Variants in PFKM observed in about 807,000 individuals in gnomAD.
The protein encoded by PFKM is ATP-dependent 6-phosphofructokinase, muscle type.
Under a neutral mutation model 95.5 loss-of-function variants are expected in PFKM, and 58 were observed. The observed-to-expected ratio is 0.61, with a 90% CI of 0.49 to 0.76. PFKM has a LOEUF of 0.76. PFKM is among the 30% of genes least tolerant of loss of function. The pLI, the probability that PFKM is intolerant of heterozygous loss-of-function variation, is 0.00. For synonymous variants in PFKM, 336 were observed against 357.2 expected (o/e 0.94, Z 0.67); for missense variants, 678 against 1,005.4 (o/e 0.67, Z 4.40).
chr12:48,108,006 G>A (rs1946851475), intron 2 of PFKM: 2 of 1,541,180 alleles, frequency 1.3e-6, no homozygotes, highest in Non-Finnish European at 1.8e-6. Flanking sequence ...GAAAATGAAA[G>A]GGAGTAAGGA....
At chr12:48,116,529 A>T (rs767147613), upstream of PFKM, among the ~76,000 whole-genome samples, 1 of 152,102 alleles carries the variant, frequency 6.6e-6, no homozygotes, top group Non-Finnish European at 1.5e-5. Flanking sequence ...CCCAGGGTGG[A>T]GTGTGGTGGC....
In PFKM at chr12:48,119,396, A is replaced by C. The variant is rs898954766; in HGVS notation, c.-19A>C. 12 of 985,818 alleles carry C rather than the reference A, an allele frequency of 1.2e-5. No individual in the cohort carries two copies. The highest frequency in any genetic ancestry group is 3.5e-5 in the African/African-American group (2 of 57,242). 61.1% of individuals were successfully genotyped at this position (985,818 alleles called of 1,614,324 possible). Reference sequence around the variant, plus strand: ...AAGAAAGCAGCGGCGGAGGAGAGCTAAGACTAAAAGGCAAGAGGGGCCATT... The same window carrying C: ...AAGAAAGCAGCGGCGGAGGAGAGCTCAGACTAAAAGGCAAGAGGGGCCATT... On this transcript the variant is annotated 5_prime_UTR_variant, in exon 1 of 23. Coordinates refer to ENST00000359794, the MANE Select transcript of PFKM (RefSeq NM_000289.6).
chr12:48,136,166 C>T (rs536074421), intron 10 of PFKM, among the ~76,000 whole-genome samples: 175 of 152,302 alleles, frequency 1.1e-3, no homozygotes, highest in African/African-American at 3.9e-3. Flanking sequence ...GGATTACAGG[C>T]GTGAGCCACT....
At chr12:48,118,341 G>A (rs1366730832), upstream of PFKM, 3 of 596,758 alleles carry the variant, frequency 5.0e-6, no homozygotes, top group Non-Finnish European at 9.0e-6. Flanking sequence ...TCAGATACAT[G>A]ATTTGCAAAT....
intron 7 of PFKM, 86 bp downstream of exon 7, chr12:48,134,362 G>A: frequency 8.7e-7 from 1 of 1,147,936 alleles, no homozygotes. Context: ...AGGTCTCTCA[G>A]TAGCAGCAGA....
rs758442966 is a variant in PFKM, at chr12:48,145,200, C to G, written c.2093-10C>G. On this transcript the variant is annotated splice_polypyrimidine_tract_variant and intron_variant, in intron 21 of 22. Transcript: ENST00000359794. The surrounding 1 kb of genome is among the most constrained non-coding windows in gnomAD (Gnocchi z 4.3). ...CAGTATAGAAGCTGACTGCCCATCC[C>G]TCATTGCAGGGCGGATCTTTGCCAA... 6.2e-7 allele frequency: 1 copy of G among 1,613,658 alleles called. No individual in the cohort carries two copies. Among genetic ancestry groups the G allele is most frequent in the Non-Finnish European group, 8.5e-7 (1 of 1,179,554 alleles).
Position 48,145,320 on chromosome 12 carries a change from GT to G in PFKM, c.2198+6del. The G allele has an allele frequency of 6.2e-7, 1 of 1,605,652 alleles. No individual in the cohort carries two copies. The highest frequency in any genetic ancestry group is 1.3e-5 in the African/African-American group (1 of 74,880). ...GAAGGACCAGACAGATTTTGAGTGA[GT>G]ACATCTGCTTCCTGGAGTGGTTCTT... is the stretch of plus-strand genomic sequence containing the variant. On this transcript the variant is annotated splice_donor_region_variant and intron_variant, in intron 22 of 22. Coordinates refer to ENST00000359794, the MANE Select transcript of PFKM (RefSeq NM_000289.6). The surrounding 1 kb of genome is among the most constrained non-coding windows in gnomAD (Gnocchi z 4.3).
At position 48,140,759 on chromosome 12, in the gene PFKM, C is replaced by T; in HGVS notation, c.1229C>T (p.Ala410Val). The change falls in exon 14 of 23, where the codon GCT becomes GTT. Residue 410 changes from alanine (A) to valine (V), a missense_variant. Transcript: ENST00000359794. ...SHTVAVMNVG[A>V]PAAGMNAAVR... is the part of the protein sequence containing the mutation. Reference sequence around the variant, plus strand: ...ACAGTGGCTGTGATGAACGTGGGGGCTCCGGCTGCAGGCATGAATGCTGCT... The same window carrying T: ...ACAGTGGCTGTGATGAACGTGGGGGTTCCGGCTGCAGGCATGAATGCTGCT... 6.2e-7 allele frequency: 1 copy of T among 1,614,200 alleles called. No homozygotes were observed. Among genetic ancestry groups the T allele is most frequent in the Non-Finnish European group, 8.5e-7 (1 of 1,180,024 alleles).
chr12:48,122,582 T>G, intron 1 of PFKM, 185 bp from the exon 2 acceptor site: 1 of 1,433,814 alleles, frequency 7.0e-7, no homozygotes, highest in South Asian at 1.5e-5. Flanking sequence ...ACATTTCAGC[T>G]TGTCAGTCTA....
intron 1 of PFKM, chr12:48,122,483 C>T: frequency 1.2e-6 from 1 of 867,356 alleles, no homozygotes; most frequent in African/African-American, 1.7e-5. Flanking sequence ...TTTTCCCTGA[C>T]CTTAGTTTAT....
At chr12:48,141,282 G>C (rs749292865) in intron 14 of PFKM, 29 bp from the exon 15 acceptor site, 6 of 1,607,230 alleles carry the variant, frequency 3.7e-6, no homozygotes, top group Non-Finnish European at 5.1e-6. Context: ...CTTTAGCCTT[G>C]TGCAGAGCTC....
At chr12:48,111,654 T>C (rs1024386706) in intron 3 of PFKM, among the ~76,000 whole-genome samples, 3 of 152,092 alleles carry the variant, frequency 2.0e-5, no homozygotes, top group Non-Finnish European at 4.4e-5. Flanking sequence ...TTAGGCCTGG[T>C]GGAACTGCCA....
Position 48,133,109 on chromosome 12 carries a change from G to T in PFKM, c.427+52G>T, listed in dbSNP as rs41291961. On this transcript the variant is annotated intron_variant, in intron 5 of 22. Transcript: ENST00000359794. The stretch of plus-strand genomic sequence containing the variant: ...CTTATTTGTGTCGGTACGTGCACGC[G>T]TGTACACACACACATCGCCCCCGCC... 9 of 1,518,076 alleles carry T rather than the reference G, an allele frequency of 5.9e-6. No individual in the cohort carries two copies. In the East Asian group the frequency reaches 2.0e-4, roughly 34 times the overall value. 94.0% of individuals were successfully genotyped at this position (1,518,076 alleles called of 1,614,324 possible). A position where few individuals can be genotyped will look rare whatever the true frequency, so the allele number is the denominator to read the frequency against.
chr12:48,133,005 T>G lies in PFKM; in HGVS notation c.375T>G (p.Ala125=). The part of the protein sequence containing the change: ...VIGGDGSLTG[A]DTFRSEWSDL... ...GGGGTGATGGCAGCCTCACTGGGGC[T>G]GACACCTTCCGTTCTGAGTGGAGTG... Residue 125 remains alanine, a synonymous_variant, in exon 5 of 23, where the codon GCT becomes GCG. Coordinates refer to ENST00000359794, the MANE Select transcript of PFKM (RefSeq NM_000289.6). 6.2e-7 allele frequency: 1 copy of G among 1,614,226 alleles called. No individual in the cohort carries two copies.
intron 13 of PFKM, 121 bp downstream of exon 13, chr12:48,140,033 T>C: frequency 1.4e-6 from 1 of 709,770 alleles, no homozygotes; most frequent in South Asian, 1.5e-5. Context: ...CACTCTGATC[T>C]TCAGTGCTGG....
rs2135886000 is a variant in PFKM at position 48,132,996 on chromosome 12, C to T, written c.366C>T (p.Leu122=). ...GTGTCATTGGGGGTGATGGCAGCCT[C>T]ACTGGGGCTGACACCTTCCGTTCTG... ...NLCVIGGDGS[L]TGADTFRSEW... The change falls in exon 5 of 23, where the codon CTC becomes CTT. Residue 122 remains leucine, a synonymous_variant. Transcript: ENST00000359794. The T allele has an allele frequency of 6.2e-7, 1 of 1,614,192 alleles. No homozygotes were observed. Among genetic ancestry groups the T allele is most frequent in the Non-Finnish European group, 8.5e-7 (1 of 1,180,012 alleles).
chr12:48,122,917 C>T lies in PFKM; in HGVS notation c.85+58C>T, dbSNP rs929861786. On this transcript the variant is annotated intron_variant, in intron 2 of 22. Coordinates refer to ENST00000359794, the MANE Select transcript of PFKM (RefSeq NM_000289.6). ...GGGACTTTTGGAATTTACTGACTCC[C>T]TTAGCCTATACAATAGAATTATTCT... 4.3e-5 allele frequency: 64 copies of T among 1,489,030 alleles called. 1 individual carries two copies. In the Middle Eastern group the frequency reaches 6.8e-4, roughly 16 times the overall value. 92.2% of individuals were successfully genotyped at this position (1,489,030 alleles called of 1,614,324 possible).
intron 1 of PFKM, chr12:48,106,158 T>C (rs765992625): frequency 7.1e-6 from 5 of 701,592 alleles, no homozygotes; most frequent in African/African-American, 1.7e-5. Context: ...AGGAGGGGGC[T>C]GGGGCAGGAG....
rs925038213 is a variant in PFKM at position 48,135,306 on chromosome 12, C to T, written c.859C>T (p.Leu287=). 6.2e-7 allele frequency: 1 copy of T among 1,614,052 alleles called. No homozygotes were observed. Residue 287 remains leucine (L), a synonymous_variant, in exon 10 of 23, where the codon CTG becomes TTG. Transcript: ENST00000359794. ...EDIKNLVVKR[L]GYDTRVTVLG... is the part of the protein sequence containing the mutation. Reference sequence around the variant, plus strand: ...GTCCCTTCAGCTGGTGGTTAAGCGTCTGGGATATGACACCCGGGTTACTGT... The same window carrying T: ...GTCCCTTCAGCTGGTGGTTAAGCGTTTGGGATATGACACCCGGGTTACTGT...
Sources: gnomAD v4.1 joint callset for allele counts (sites outside exome capture counted in the v4.1 genomes callset) on GRCh38, gnomAD v4.1.1 for gene constraint, Gnocchi (gnomAD v3.1) non-coding constraint, MANE v1.5 for transcripts, NCBI Gene and HGNC (gene_info 2026-07-23, HGNC 2026-07-21) for gene names.